PTPRD: variants seen among roughly 807,000 people sequenced by gnomAD.
The protein encoded by PTPRD is protein tyrosine phosphatase receptor type D.
A neutral mutation model predicts 214.5 loss-of-function variants in PTPRD; 34 were observed. That is an observed-to-expected ratio of 0.16 (90% CI 0.12 to 0.21). The LOEUF is 0.21. Among genes scored for constraint, PTPRD ranks in the 10% least tolerant of loss-of-function variants. The pLI is 1.00. For missense variants in PTPRD, 2,545 were observed against 2,398.7 expected, an observed-to-expected ratio of 1.06 and a Z score of -1.27; for synonymous variants, 1,128 against 845.7, an observed-to-expected ratio of 1.33 and a Z score of -5.79.
At chr9:9,714,106 A>G (rs1041856479) in intron 7 of PTPRD, among the ~76,000 whole-genome samples, 14 of 152,118 alleles carry the variant, frequency 9.2e-5, no homozygotes, top group Middle Eastern at 3.4e-3. Flanking sequence ...AAAAAAAAAA[A>G]AAAATTTGAA....
At chr9:10,524,498 AAAT>A (rs1475577768) in intron 2 of PTPRD, among the ~76,000 whole-genome samples, 6 of 152,108 alleles carry the variant, frequency 3.9e-5, no homozygotes, top group African/African-American at 1.4e-4. Context: ...ATAAGCCATA[AAAT>A]AAAAATATTT....
chr9:9,790,937 C>T (rs73396807), intron 5 of PTPRD, among the ~76,000 whole-genome samples: 3,220 of 152,180 alleles, frequency 0.021, 115 homozygotes, highest in African/African-American at 0.073. Flanking sequence ...TCAGTTTGAA[C>T]AGGTCCTATG....
intron 2 of PTPRD, among the ~76,000 whole-genome samples, chr9:10,566,513 T>C (rs948853482): frequency 1.3e-5 from 2 of 152,062 alleles, no homozygotes; most frequent in Non-Finnish European, 2.9e-5. Context: ...GTTATTTCGA[T>C]TTCCTCTTTG....
chr9:8,614,681 T>C (rs1050708332), intron 14 of PTPRD, among the ~76,000 whole-genome samples: 4 of 152,066 alleles, frequency 2.6e-5, no homozygotes, highest in Admixed American at 6.6e-5. Context: ...ATCTGGCACA[T>C]TGGGATCTTG....
rs746423795 is a variant in PTPRD at position 8,449,845 on chromosome 9, G to A, written c.3876-8C>T. The stretch of plus-strand genomic sequence containing the variant: ...TCGGACTCTGCCCTCTTCCTATAGG[G>A]GGAAAATAGAAATTTAAGAAGAAAA... On this transcript the variant is annotated splice_polypyrimidine_tract_variant and splice_region_variant and intron_variant, in intron 33 of 45. Coordinates refer to ENST00000381196, the MANE Select transcript of PTPRD (RefSeq NM_002839.4). The A allele has an allele frequency of 6.2e-7, 1 of 1,610,470 alleles. No homozygotes were observed. Among genetic ancestry groups the A allele is most frequent in the Non-Finnish European group, 8.5e-7 (1 of 1,178,216 alleles).
intron 35 of PTPRD, among the ~76,000 whole-genome samples, chr9:8,427,846 T>C (rs1036437649): frequency 3.9e-5 from 6 of 152,012 alleles, no homozygotes; most frequent in South Asian, 2.1e-4. Context: ...CGTGCAGTTA[T>C]AGGGGTGATA....
intron 8 of PTPRD, among the ~76,000 whole-genome samples, chr9:9,506,561 T>C (rs953463450): frequency 2.6e-5 from 4 of 151,392 alleles, no homozygotes; most frequent in African/African-American, 9.7e-5. Context: ...GTCTAGAAGA[T>C]AACAGAAATG....
chr9:8,813,116 G>C (rs2096846995), intron 11 of PTPRD, among the ~76,000 whole-genome samples: 1 of 152,324 alleles, frequency 6.6e-6, no homozygotes, highest in South Asian at 2.1e-4. Context: ...CAGCTTTAGA[G>C]GGAGTATAAT....
At chr9:10,309,102 A>T (rs1431202940) in intron 3 of PTPRD, among the ~76,000 whole-genome samples, 2 of 152,030 alleles carry the variant, frequency 1.3e-5, no homozygotes, top group African/African-American at 4.8e-5. Flanking sequence ...AGTTTTAACA[A>T]ATCCTAAGCA....
intron 3 of PTPRD, among the ~76,000 whole-genome samples, chr9:10,061,394 T>C (rs1394416415): frequency 6.6e-6 from 1 of 152,116 alleles, no homozygotes; most frequent in Non-Finnish European, 1.5e-5. Flanking sequence ...TATTTCAGAT[T>C]ACATTGCTTA....
At chr9:9,549,856 A>T (rs2079758054) in intron 8 of PTPRD, among the ~76,000 whole-genome samples, 1 of 152,092 alleles carries the variant, frequency 6.6e-6, no homozygotes, top group Non-Finnish European at 1.5e-5. Flanking sequence ...CAAAACACAC[A>T]GAATATCTTG....
At chr9:8,933,943 C>A (rs1342373759) in intron 11 of PTPRD, among the ~76,000 whole-genome samples, 4 of 152,056 alleles carry the variant, frequency 2.6e-5, no homozygotes, top group Non-Finnish European at 5.9e-5. Context: ...AGTACCAAAA[C>A]ATATTTCCCA....
chr9:8,323,222 C>T (rs1274893143), intron 44 of PTPRD, among the ~76,000 whole-genome samples: 1 of 152,118 alleles, frequency 6.6e-6, no homozygotes, highest in African/African-American at 2.4e-5. Flanking sequence ...TGCTCATTGA[C>T]AACATACCTT....
At chr9:8,527,092 A>G (rs974385282) in intron 16 of PTPRD, among the ~76,000 whole-genome samples, 2 of 152,000 alleles carry the variant, frequency 1.3e-5, no homozygotes, top group African/African-American at 4.8e-5. Context: ...GGAAACAAAC[A>G]TTGTTGATTG....
intron 9 of PTPRD, among the ~76,000 whole-genome samples, chr9:9,209,998 G>A (rs1353131996): frequency 6.6e-6 from 1 of 152,138 alleles, no homozygotes; most frequent in Non-Finnish European, 1.5e-5. Flanking sequence ...TTATCACGCA[G>A]TAGATTTGTG....
At chr9:9,715,936 C>T (rs2097817427) in intron 7 of PTPRD, among the ~76,000 whole-genome samples, 1 of 152,134 alleles carries the variant, frequency 6.6e-6, no homozygotes, top group Non-Finnish European at 1.5e-5. Context: ...ATGTGCCATG[C>T]TGGTGCGCTG....
chr9:10,157,192 A>G (rs2099098939), intron 3 of PTPRD, among the ~76,000 whole-genome samples: 1 of 152,094 alleles, frequency 6.6e-6, no homozygotes, highest in Non-Finnish European at 1.5e-5. Flanking sequence ...GCTGGCTGTT[A>G]TGCAGACATT....
chr9:9,571,359 A>T (rs1031080599), intron 8 of PTPRD, among the ~76,000 whole-genome samples: 35 of 151,468 alleles, frequency 2.3e-4, no homozygotes, highest in African/African-American at 7.9e-4. Flanking sequence ...ATTAAATAAA[A>T]TCTTAATGAA....
intron 8 of PTPRD, among the ~76,000 whole-genome samples, chr9:9,410,273 A>C (rs924469533): frequency 6.6e-6 from 1 of 152,214 alleles, no homozygotes; most frequent in Non-Finnish European, 1.5e-5. Flanking sequence ...GCTATAAATC[A>C]CAGACAGAAA....
Sources: gnomAD v4.1 joint callset for allele counts (sites outside exome capture counted in the v4.1 genomes callset) on GRCh38, gnomAD v4.1.1 for gene constraint, MANE v1.5 for transcripts, NCBI Gene and HGNC (gene_info 2026-07-23, HGNC 2026-07-21) for gene names.